The following HIP1R variants were observed in gnomAD, a reference collection of about 807,000 sequenced individuals.
HIP1R encodes the protein huntingtin-interacting protein 1-related protein.
HIP1R carries 135 observed loss-of-function variants against 144.2 expected under a neutral mutation model. That is an observed-to-expected ratio of 0.94 (90% CI 0.81 to 1.08). The LOEUF is 1.08. HIP1R is among the 50% of genes least tolerant of loss of function. HIP1R has a pLI of 0.00. For synonymous variants in HIP1R, 698 were observed against 612.8 expected (o/e 1.14, Z -2.05); for missense variants, 1,462 against 1,432.8 (o/e 1.02, Z -0.33).
intron 7 of HIP1R, among the ~76,000 whole-genome samples, chr12:122,852,363 C>T (rs1281496215): frequency 1.3e-5 from 2 of 152,310 alleles, no homozygotes; most frequent in East Asian, 3.9e-4. Context: ...CCCAACTGTG[C>T]AGCAGGACAG....
At chr12:122,837,153 A>G in intron 1 of HIP1R, among the ~76,000 whole-genome samples, 1 of 152,208 alleles carries the variant, frequency 6.6e-6, no homozygotes, top group Non-Finnish European at 1.5e-5. Context: ...GGACGTATAA[A>G]GAGGTCTGAT....
rs1257428527 is a variant in HIP1R at position 122,862,043 on chromosome 12, C to T, written c.*290C>T. ...TTCAGAAAATAGTGTTTTTAATATTCCTCTTCAGAAAATAGTGTTTTTAAT... is the reference window on the plus strand; with the variant it reads ...TTCAGAAAATAGTGTTTTTAATATTTCTCTTCAGAAAATAGTGTTTTTAAT... On this transcript the variant is annotated 3_prime_UTR_variant, in exon 32 of 32. Transcript: ENST00000253083. 2.3e-6 allele frequency: 1 copy of T among 431,768 alleles called. No individual in the cohort carries two copies. The highest frequency in any genetic ancestry group is 4.1e-6 in the Non-Finnish European group (1 of 244,700). The allele number at this position is 431,768 out of a possible 1,614,324, so 26.7% of individuals were successfully genotyped here. A position where few individuals can be genotyped will look rare whatever the true frequency, so the allele number is the denominator to read the frequency against.
intron 18 of HIP1R, 187 bp from the exon 19 acceptor site, chr12:122,857,915 T>G: frequency 2.2e-6 from 1 of 462,812 alleles, no homozygotes; most frequent in Non-Finnish European, 3.8e-6. Flanking sequence ...CACGTTTTAA[T>G]TGGGTTATCT....
chr12:122,861,950 GTC>G lies in HIP1R; in HGVS notation c.*201_*202del. ...ATGTGGGTGGTGCTTCTGGATGTGA[GTC>G]TCTTATTTATCTGCAGAAGGAACTT... On this transcript the variant is annotated 3_prime_UTR_variant, in exon 32 of 32. Transcript: ENST00000253083. 1 of 551,486 alleles carries G rather than the reference GTC, an allele frequency of 1.8e-6. No homozygotes were observed. The highest frequency in any genetic ancestry group is 3.0e-5 in the East Asian group (1 of 33,004). The allele number at this position is 551,486 out of a possible 1,614,324, so 34.2% of individuals were successfully genotyped here.
upstream of HIP1R, chr12:122,835,146 TG>T (rs1444164504): frequency 2.4e-5 from 10 of 417,264 alleles, no homozygotes; most frequent in Non-Finnish European, 2.7e-5. Context: ...GGGGAGGAGC[TG>T]GGGGGGCGTT....
In HIP1R at chr12:122,848,203, G is replaced by T; in HGVS notation, c.157+109G>T. On this transcript the variant is annotated intron_variant, in intron 2 of 31. Coordinates refer to ENST00000253083, the MANE Select transcript of HIP1R (RefSeq NM_003959.3). ...TGCCGGGGTCACAAGTTCCCTCACT[G>T]AGCCCGGGGAGGAGGGTCCTGTGCA... is the stretch of plus-strand genomic sequence containing the variant. 10 of 1,208,858 alleles carry T rather than the reference G, an allele frequency of 8.3e-6. No individual in the cohort carries two copies. In the South Asian group the frequency reaches 1.3e-4, roughly 16 times the overall value. The allele number at this position is 1,208,858 out of a possible 1,614,324, so 74.9% of individuals were successfully genotyped here. A position where few individuals can be genotyped will look rare whatever the true frequency, so the allele number is the denominator to read the frequency against.
At chr12:122,845,510 A>G (rs1030548032) in intron 1 of HIP1R, among the ~76,000 whole-genome samples, 2 of 152,160 alleles carry the variant, frequency 1.3e-5, no homozygotes, top group African/African-American at 4.8e-5. Context: ...AGACCATGCC[A>G]TGTGCCCAAG....
chr12:122,860,576 C>T (rs1415809467), intron 27 of HIP1R, 53 bp downstream of exon 27: 1 of 1,577,018 alleles, frequency 6.3e-7, no homozygotes, highest in Non-Finnish European at 8.7e-7. Flanking sequence ...CCAGTTGGAG[C>T]AGTTTGGGGT....
In HIP1R at chr12:122,859,838, C is replaced by T. The variant is rs369174771; in HGVS notation, c.2465+8C>T. ...GCTGGAGGTGAACGAGAGGTGAGCC[C>T]CCCTTCTGTCCCCCCAGGCCCAGCC... On this transcript the variant is annotated splice_region_variant and intron_variant, in intron 24 of 31. Coordinates refer to ENST00000253083, the MANE Select transcript of HIP1R (RefSeq NM_003959.3). 2.9e-5 allele frequency: 47 copies of T among 1,611,480 alleles called. No homozygotes were observed. In the African/African-American group the frequency reaches 4.3e-4, roughly 15 times the overall value.
At chr12:122,835,025 T>C (rs957578948), upstream of HIP1R, 2 of 1,277,616 alleles carry the variant, frequency 1.6e-6, no homozygotes, top group Admixed American at 4.7e-5. Context: ...GGAGGAGGGG[T>C]GGGGAGAGGG....
rs1385769641 is a variant in HIP1R, at chr12:122,857,093, C to T, written c.1693C>T (p.Gln565Ter). Residue 565 changes from glutamine to a stop codon, truncating the protein, a stop_gained, in exon 18 of 32, where the codon CAG (glutamine) becomes TAG (stop). Transcript: ENST00000253083. LOFTEE classifies it high-confidence loss of function. The stretch of plus-strand genomic sequence containing the variant: ...GGATGCTCTGAGTGGAGCTGTGCGG[C>T]AGCGGGAGGCAGACCTGCTGGCGGC... ...EKDALSGAVR[Q>*]READLLAAQS... 1 of 1,551,216 alleles carries T rather than the reference C, an allele frequency of 6.4e-7. No individual in the cohort carries two copies. The highest frequency in any genetic ancestry group is 8.7e-7 in the Non-Finnish European group (1 of 1,147,436).
intron 1 of HIP1R, among the ~76,000 whole-genome samples, chr12:122,845,493 G>A (rs1162365841): frequency 6.6e-6 from 1 of 152,206 alleles, no homozygotes; most frequent in Non-Finnish European, 1.5e-5. Context: ...AGGCCCAGGC[G>A]CACAGGAGAC....
At position 122,860,168 on chromosome 12, in the gene HIP1R, G is replaced by A. The variant is rs776907095; in HGVS notation, c.2517G>A (p.Thr839=). 1.6e-5 allele frequency: 25 copies of A among 1,573,134 alleles called. No individual in the cohort carries two copies. In the Middle Eastern group the frequency reaches 8.3e-4, roughly 52 times the overall value. Residue 839 remains threonine, a synonymous_variant, in exon 26 of 32, where the codon ACG becomes ACA. Transcript: ENST00000253083. ...DLMKAIRLLV[T]TSTSLQKEIV... The stretch of plus-strand genomic sequence containing the variant: ...GGCAGGCTATCCGGCTCCTGGTGAC[G>A]ACATCCACTAGCCTGCAGAAGGAGA...
At chr12:122,842,337 G>T (rs2033080358) in intron 1 of HIP1R, among the ~76,000 whole-genome samples, 1 of 152,170 alleles carries the variant, frequency 6.6e-6, no homozygotes, top group Non-Finnish European at 1.5e-5. Flanking sequence ...AATAGAAATT[G>T]TTTTATAATT....
rs1486389542 is a variant in HIP1R, at chr12:122,854,119, G to C, written c.654G>C (p.Gln218His). The C allele has an allele frequency of 1.2e-6, 2 of 1,613,788 alleles. No individual in the cohort carries two copies. The highest frequency in any genetic ancestry group is 2.2e-5 in the East Asian group (1 of 44,890). Residue 218 changes from glutamine (Q) to histidine (H), a missense_variant, in exon 8 of 32, where the codon CAG becomes CAC. Gln to His is a conservative substitution (Grantham distance 24). Coordinates refer to ENST00000253083, the MANE Select transcript of HIP1R (RefSeq NM_003959.3). ...AGTGCCGCCTGGCCCCCCTCATCCA[G>C]GTCATCCAGGACTGCAGCCACCTCT... Reference protein sequence around the residue: ...SGQCRLAPLIQVIQDCSHLYH... With the variant: ...SGQCRLAPLIHVIQDCSHLYH...
Position 122,855,894 on chromosome 12 carries a change from C to G in HIP1R, c.1119C>G (p.Ile373Met). 2 of 945,148 alleles carry G rather than the reference C, an allele frequency of 2.1e-6. No homozygotes were observed. The highest frequency in any genetic ancestry group is 3.1e-6 in the Non-Finnish European group (2 of 645,714). 58.5% of individuals were successfully genotyped at this position (945,148 alleles called of 1,614,324 possible). ...VEMLRSELEKIKLEAQRYIAQ... is the reference protein window; with the variant it reads ...VEMLRSELEKMKLEAQRYIAQ... ...TGCTCCGCTCTGAACTGGAGAAGAT[C>G]AAGCTGGAGGTGCGGGGTGGGGATG... The change falls in exon 13 of 32, where the codon ATC (isoleucine) becomes ATG (methionine). Residue 373 changes from isoleucine (I) to methionine (M), a missense_variant. Around this residue, in one of 2 missense-constraint regions of HIP1R, gnomAD observed 1,112 missense variants for 1,011.7 expected, o/e 1.10. Transcript: ENST00000253083.
intron 4 of HIP1R, among the ~76,000 whole-genome samples, chr12:122,849,311 C>A (rs1282667755): frequency 6.6e-6 from 1 of 152,262 alleles, no homozygotes; most frequent in Non-Finnish European, 1.5e-5. Context: ...CCCTGGTGGG[C>A]AGAGGGCCTT....
chr12:122,846,598 CTG>C (rs2033218277), intron 1 of HIP1R, among the ~76,000 whole-genome samples: 1 of 152,216 alleles, frequency 6.6e-6, no homozygotes, highest in African/African-American at 2.4e-5. Context: ...ACCAGAGCCT[CTG>C]TGCATTTCCT....
In HIP1R at chr12:122,861,516, T is replaced by A. The variant is rs1017587353; in HGVS notation, c.3159+2T>A. 6.2e-7 allele frequency: 1 copy of A among 1,609,096 alleles called. No homozygotes were observed. ...GTGGCCCCCAGACAGGACCACCAGG[T>A]GCCGTCTGCACTGGGATGGGGGAGT... On this transcript the variant is annotated splice_donor_variant, in intron 31 of 31. Transcript: ENST00000253083. LOFTEE classifies it high-confidence loss of function.
Sources: allele counts gnomAD v4.1 joint callset (sites outside exome capture counted in the v4.1 genomes callset), GRCh38; gene constraint gnomAD v4.1.1; regional missense constraint gnomAD v4.1.1; transcripts MANE v1.5; gene names NCBI Gene and HGNC (gene_info 2026-07-23, HGNC 2026-07-21).